The following RFX3 variants were observed in gnomAD, a reference collection of about 807,000 sequenced individuals.
The protein encoded by RFX3 is transcription factor RFX3.
RFX3 carries 14 observed loss-of-function variants against 98.6 expected under a neutral mutation model. The ratio of observed to expected loss-of-function variants is 0.14; its 90% CI spans 0.09 to 0.22. The LOEUF (loss-of-function observed/expected upper bound fraction) is 0.22, where lower values mean the gene tolerates loss of function less well. RFX3 is among the 10% of genes least tolerant of loss of function. The pLI is 1.00. For synonymous variants in RFX3, 383 were observed against 328.4 expected (o/e 1.17, Z -1.80); for missense variants, 639 against 926.9 (o/e 0.69, Z 4.03).
intron 13 of RFX3, among the ~76,000 whole-genome samples, chr9:3,262,579 C>T (rs1202374635): frequency 6.6e-6 from 1 of 152,090 alleles, no homozygotes; most frequent in African/African-American, 2.4e-5. Flanking sequence ...GAAAGTGAAG[C>T]CTAGAGCAGT....
chr9:3,395,657 T>C lies in RFX3; in HGVS notation c.-8-61A>G, dbSNP rs1389507030. On this transcript the variant is annotated intron_variant, in intron 1 of 16. Coordinates refer to ENST00000617270, the MANE Select transcript of RFX3 (RefSeq NM_001282116.2). ...GTCACTCCTGCATGACTAGCTTCCT[T>C]ACAATTGTTCTTAAAATCCTATACT... The C allele has an allele frequency of 5.1e-6, 8 of 1,570,676 alleles. No homozygotes were observed. The East Asian group carries it at 1.4e-4, about 27-fold the overall frequency.
intron 2 of RFX3, among the ~76,000 whole-genome samples, chr9:3,367,886 A>G (rs1384117457): frequency 6.6e-6 from 1 of 152,258 alleles, no homozygotes; most frequent in Non-Finnish European, 1.5e-5. Context: ...GTCAATGAGT[A>G]AAGTATCACA....
intron 1 of RFX3, among the ~76,000 whole-genome samples, chr9:3,413,464 C>G (rs1235659357): frequency 6.6e-6 from 1 of 151,976 alleles, no homozygotes; most frequent in Non-Finnish European, 1.5e-5. Context: ...GAAGTGAACA[C>G]TTTTATTTTA....
rs1413815986 is a variant in RFX3 at position 3,222,750 on chromosome 9, G to A, written c.*2292C>T. The A allele has an allele frequency of 6.6e-6, 1 of 151,976 alleles. No homozygotes were observed. Among genetic ancestry groups the A allele is most frequent in the Admixed American group, 6.6e-5 (1 of 15,254 alleles). 9.4% of individuals were successfully genotyped at this position (151,976 alleles called of 1,614,324 possible). A position where few individuals can be genotyped will look rare whatever the true frequency, so the allele number is the denominator to read the frequency against. Reference sequence around the variant, plus strand: ...TTATCATGTTTTGTTTGCCTTTTTTGTGTGTGTTTTGGTACAAATCCATTG... The same window carrying A: ...TTATCATGTTTTGTTTGCCTTTTTTATGTGTGTTTTGGTACAAATCCATTG... On this transcript the variant is annotated 3_prime_UTR_variant, in exon 17 of 17. Transcript: ENST00000617270.
chr9:3,349,515 A>C (rs116602246), intron 2 of RFX3, among the ~76,000 whole-genome samples: 1,662 of 152,148 alleles, frequency 0.011, 40 homozygotes, highest in African/African-American at 0.037. Flanking sequence ...CAAAACTATA[A>C]AACAGGCAAT....
intron 1 of RFX3, among the ~76,000 whole-genome samples, chr9:3,462,810 A>T (rs945332909): frequency 6.6e-6 from 1 of 152,094 alleles, no homozygotes; most frequent in East Asian, 1.9e-4. Context: ...ATAGCATGTG[A>T]TGTCACTTAT....
chr9:3,366,530 A>G (rs999730283), intron 2 of RFX3, among the ~76,000 whole-genome samples: 1 of 152,178 alleles, frequency 6.6e-6, no homozygotes, highest in South Asian at 2.1e-4. Flanking sequence ...TCCTGGTCTG[A>G]TATCACTCAG....
At chr9:3,319,939 G>A (rs1168658254) in intron 4 of RFX3, among the ~76,000 whole-genome samples, 1 of 151,404 alleles carries the variant, frequency 6.6e-6, no homozygotes, top group African/African-American at 2.4e-5. Flanking sequence ...CAGTAAGAAT[G>A]GCTCTAAAAA....
intron 4 of RFX3, among the ~76,000 whole-genome samples, chr9:3,318,602 C>T (rs1050025237): frequency 6.7e-6 from 1 of 149,634 alleles, no homozygotes; most frequent in Non-Finnish European, 1.5e-5. Flanking sequence ...TTTTCATGTC[C>T]TCTTTAACCA....
intron 15 of RFX3, among the ~76,000 whole-genome samples, chr9:3,234,475 C>CA (rs1468592700): frequency 6.6e-6 from 1 of 152,096 alleles, no homozygotes; most frequent in Non-Finnish European, 1.5e-5. Context: ...CCCATCTCTA[C>CA]AAAAAATACA....
intron 15 of RFX3, among the ~76,000 whole-genome samples, chr9:3,236,636 T>C (rs192916755): frequency 9.1e-4 from 139 of 152,260 alleles, no homozygotes; most frequent in African/African-American, 3.3e-3. Flanking sequence ...TGGCATGTTA[T>C]CAGATGGCGG....
chr9:3,461,381 C>T (rs1847670497), intron 1 of RFX3, among the ~76,000 whole-genome samples: 1 of 151,882 alleles, frequency 6.6e-6, no homozygotes, highest in Admixed American at 6.6e-5. Flanking sequence ...ACAGAATGTG[C>T]TTTGGATGAA....
intron 1 of RFX3, among the ~76,000 whole-genome samples, chr9:3,515,642 C>A (rs971433444): frequency 1.3e-4 from 20 of 152,162 alleles, no homozygotes; most frequent in African/African-American, 4.6e-4. Flanking sequence ...CATTCCTCCA[C>A]AACTAAAACA....
At chr9:3,293,734 T>C (rs1427323035) in intron 5 of RFX3, among the ~76,000 whole-genome samples, 1 of 152,158 alleles carries the variant, frequency 6.6e-6, no homozygotes, top group Admixed American at 6.6e-5. Context: ...GTTACATTCC[T>C]TTTTATAGAA....
chr9:3,278,105 T>C (rs1228114237), intron 7 of RFX3, among the ~76,000 whole-genome samples: 1 of 151,938 alleles, frequency 6.6e-6, no homozygotes, highest in African/African-American at 2.4e-5. Context: ...GTTAAAGTTA[T>C]GTATCTTCAG....
intron 4 of RFX3, among the ~76,000 whole-genome samples, chr9:3,314,929 A>G (rs1018866514): frequency 3.9e-5 from 6 of 152,174 alleles, no homozygotes. Context: ...ATAATGGGAG[A>G]CTTTAGCACC....
chr9:3,432,622 G>T (rs1168126375), intron 1 of RFX3, among the ~76,000 whole-genome samples: 1 of 152,130 alleles, frequency 6.6e-6, no homozygotes, highest in East Asian at 1.9e-4. Context: ...TTGAAGACAT[G>T]GATCTTGGAG....
chr9:3,256,323 C>G (rs546575840), intron 14 of RFX3, among the ~76,000 whole-genome samples: 3 of 136,444 alleles, frequency 2.2e-5, no homozygotes, highest in East Asian at 4.3e-4. Flanking sequence ...TCTTGGGAGG[C>G]ACCTAGGATT....
intron 1 of RFX3, among the ~76,000 whole-genome samples, chr9:3,427,179 C>A (rs574424326): frequency 1.4e-5 from 2 of 146,346 alleles, no homozygotes; most frequent in African/African-American, 2.5e-5. Flanking sequence ...TTCTTTTGCA[C>A]GTGCAGTAAC....
Sources: gnomAD v4.1 joint callset for allele counts (sites outside exome capture counted in the v4.1 genomes callset) on GRCh38, gnomAD v4.1.1 for gene constraint, MANE v1.5 for transcripts, NCBI Gene and HGNC (gene_info 2026-07-23, HGNC 2026-07-21) for gene names.